The following CCDC178 variants were observed in gnomAD, a reference collection of about 807,000 sequenced individuals.
The protein encoded by CCDC178 is coiled-coil domain-containing protein 178.
Under a neutral mutation model 117.4 loss-of-function variants are expected in CCDC178, and 126 were observed. The observed-to-expected ratio is 1.07, with a 90% CI of 0.93 to 1.24. The LOEUF (loss-of-function observed/expected upper bound fraction) is 1.24. Among genes scored for constraint, CCDC178 ranks in the 50% most tolerant of loss-of-function variants. The probability of loss-of-function intolerance (pLI) is 0.00; values close to 1 mark genes in which losing one functional copy is unlikely to be tolerated. For synonymous variants in CCDC178, 283 were observed against 313.4 expected (o/e 0.90, Z 1.02); for missense variants, 1,030 against 986.9 (o/e 1.04, Z -0.59).
At chr18:33,315,046 G>T (rs2144969714) in intron 11 of CCDC178, among the ~76,000 whole-genome samples, 1 of 152,248 alleles carries the variant, frequency 6.6e-6, no homozygotes, top group African/African-American at 2.4e-5. Flanking sequence ...AAGGCAATTA[G>T]GCTTATTCTG....
At chr18:33,233,230 T>C (rs976497904) in intron 15 of CCDC178, among the ~76,000 whole-genome samples, 1 of 152,154 alleles carries the variant, frequency 6.6e-6, no homozygotes, top group African/African-American at 2.4e-5. Context: ...GAGTTACAGA[T>C]TATGAATGTT....
At chr18:33,389,047 A>G (rs1027708648) in intron 5 of CCDC178, among the ~76,000 whole-genome samples, 2 of 152,044 alleles carry the variant, frequency 1.3e-5, no homozygotes, top group African/African-American at 2.4e-5. Flanking sequence ...TGGGCTTAAT[A>G]CTTAGGTGAT....
At chr18:33,081,431 C>A (rs1281261781) in intron 21 of CCDC178, among the ~76,000 whole-genome samples, 1 of 152,134 alleles carries the variant, frequency 6.6e-6, no homozygotes, top group African/African-American at 2.4e-5. Flanking sequence ...AGTAAAATTT[C>A]TGCAACATTA....
chr18:33,148,208 G>A (rs1032645504), intron 20 of CCDC178, among the ~76,000 whole-genome samples: 8 of 152,248 alleles, frequency 5.3e-5, no homozygotes, highest in East Asian at 1.9e-4. Flanking sequence ...GATCACTCGC[G>A]GTTAGGAGCT....
intron 22 of CCDC178, among the ~76,000 whole-genome samples, chr18:32,939,002 C>T (rs190119504): frequency 4.9e-4 from 74 of 152,130 alleles, no homozygotes; most frequent in Admixed American, 4.1e-3. Context: ...AATTATCATA[C>T]GTCTCATCCC....
Position 33,148,394 on chromosome 18 carries a change from G to A in CCDC178, c.2239-55484C>T, listed in dbSNP as rs530341962. On this transcript the variant is annotated intron_variant, in intron 20 of 22. Coordinates refer to ENST00000383096, the MANE Select transcript of CCDC178 (RefSeq NM_001105528.4). ...TGGCAGTACAGTCCAGCTTCGGCTC[G>A]GCATCAGAGGGAGACCGTGGAGAGA... is the stretch of plus-strand genomic sequence containing the variant. Among the ~76,000 whole-genome samples, 237 of 152,018 alleles carry A rather than the reference G, an allele frequency of 1.6e-3. 1 individual carries two copies. Among genetic ancestry groups the A allele is most frequent in the Non-Finnish European group, 2.7e-3 (186 of 67,940 alleles).
At chr18:33,028,100 A>C (rs932090577) in intron 21 of CCDC178, among the ~76,000 whole-genome samples, 1 of 151,758 alleles carries the variant, frequency 6.6e-6, no homozygotes, top group African/African-American at 2.4e-5. Flanking sequence ...AGAATTGCAA[A>C]CAAATCTAAA....
chr18:33,072,782 A>C (rs143251117), intron 21 of CCDC178, among the ~76,000 whole-genome samples: 17 of 152,284 alleles, frequency 1.1e-4, no homozygotes, highest in Admixed American at 2.0e-4. Flanking sequence ...AAGGTAGAAC[A>C]ATTCCTCTAA....
chr18:33,132,744 G>A (rs72943354), intron 20 of CCDC178, among the ~76,000 whole-genome samples: 5,758 of 151,686 alleles, frequency 0.038, 141 homozygotes, highest in East Asian at 0.11. Context: ...ACCATTAACA[G>A]AGTAATTCCA....
intron 20 of CCDC178, among the ~76,000 whole-genome samples, chr18:33,119,024 T>A (rs977636183): frequency 6.6e-6 from 1 of 152,124 alleles, no homozygotes; most frequent in African/African-American, 2.4e-5. Context: ...TTACACCTTA[T>A]ACAAAAATTA....
intron 15 of CCDC178, among the ~76,000 whole-genome samples, chr18:33,234,763 G>A (rs577878147): frequency 6.6e-6 from 1 of 152,190 alleles, no homozygotes; most frequent in South Asian, 2.1e-4. Flanking sequence ...AGCCAAGGAT[G>A]TGATAGCAAT....
intron 12 of CCDC178, among the ~76,000 whole-genome samples, chr18:33,269,184 C>T (rs1372241261): frequency 6.6e-6 from 1 of 151,708 alleles, no homozygotes; most frequent in African/African-American, 2.4e-5. Context: ...AAAGCTTTTT[C>T]CCCAGAGCAT....
chr18:33,411,901 T>C, intron 3 of CCDC178, 130 bp downstream of exon 3: 1 of 487,150 alleles, frequency 2.1e-6, no homozygotes, highest in East Asian at 3.5e-5. Context: ...CTGGTCCCAG[T>C]AAGTTTTGGT....
chr18:33,362,223 TA>T (rs2063140589), intron 6 of CCDC178, among the ~76,000 whole-genome samples: 2 of 151,046 alleles, frequency 1.3e-5, no homozygotes, highest in South Asian at 4.2e-4. Flanking sequence ...TTCAGCCTTA[TA>T]AAAAATGGAG....
chr18:33,142,740 C>T (rs2058222113), intron 20 of CCDC178, among the ~76,000 whole-genome samples: 1 of 152,116 alleles, frequency 6.6e-6, no homozygotes, highest in Non-Finnish European at 1.5e-5. Context: ...GCAGGCATTT[C>T]ACCATTTATT....
At chr18:33,240,407 T>C (rs2059473996) in intron 15 of CCDC178, among the ~76,000 whole-genome samples, 1 of 150,502 alleles carries the variant, frequency 6.6e-6, no homozygotes, top group Admixed American at 6.6e-5. Flanking sequence ...AGACTAAAAA[T>C]ACAGTACAAA....
At chr18:33,289,381 G>A (rs903270857) in intron 12 of CCDC178, among the ~76,000 whole-genome samples, 14 of 152,292 alleles carry the variant, frequency 9.2e-5, no homozygotes, top group African/African-American at 3.1e-4. Flanking sequence ...TTGGAAGGCT[G>A]AGGTGGGTGG....
chr18:33,065,232 A>G (rs1162137648), intron 21 of CCDC178, among the ~76,000 whole-genome samples: 1 of 152,192 alleles, frequency 6.6e-6, no homozygotes, highest in Non-Finnish European at 1.5e-5. Flanking sequence ...GTACTACAAA[A>G]TAGCTAGATG....
rs367765742 is a variant in CCDC178 at position 33,245,265 on chromosome 18, C to G, written c.1573G>C (p.Glu525Gln). Reference sequence around the variant, plus strand: ...ACAACCTTGAACTTTCTTCTCACTTCTGCTATTTTATCTTCCATTTCATCT... The same window carrying G: ...ACAACCTTGAACTTTCTTCTCACTTGTGCTATTTTATCTTCCATTTCATCT... ...KTDEMEDKIA[E>Q]VRRKFKGREE... Residue 525 changes from glutamate to glutamine, a missense_variant, in exon 15 of 23, where the codon GAA (glutamate) becomes CAA (glutamine). By Grantham distance (29) the Glu-to-Gln change is conservative. Transcript: ENST00000383096. 31 of 1,588,912 alleles carry G rather than the reference C, an allele frequency of 2.0e-5. No homozygotes were observed. The highest frequency in any genetic ancestry group is 4.1e-5 in the African/African-American group (3 of 73,562).
Sources: gnomAD v4.1 joint callset for allele counts (sites outside exome capture counted in the v4.1 genomes callset) on GRCh38, gnomAD v4.1.1 for gene constraint, MANE v1.5 for transcripts, NCBI Gene and HGNC (gene_info 2026-07-23, HGNC 2026-07-21) for gene names.